Variants in ZBTB40 observed in about 807,000 individuals in gnomAD.
The protein encoded by ZBTB40 is zinc finger and BTB domain-containing protein 40.
ZBTB40 carries 60 observed loss-of-function variants against 117.5 expected under a neutral mutation model. The ratio of observed to expected loss-of-function variants is 0.51; its 90% CI spans 0.41 to 0.63. ZBTB40 has a LOEUF of 0.63. ZBTB40 is among the 30% of genes least tolerant of loss of function. The pLI is 0.00. For synonymous variants in ZBTB40, 525 were observed against 577.1 expected, an observed-to-expected ratio of 0.91 and a Z score of 1.29; for missense variants, 1,287 against 1,498.5, an observed-to-expected ratio of 0.86 and a Z score of 2.33.
At position 22,464,724 on chromosome 1, in the gene ZBTB40, G is replaced by A. The variant is rs577818076; in HGVS notation, c.-70+12720G>A. On this transcript the variant is annotated intron_variant, in intron 1 of 17. Transcript: ENST00000375647. The stretch of plus-strand genomic sequence containing the variant: ...TTCTGTATTTTCTATATTTTTAAAT[G>A]CAAATATGTATATGCATGCACACAT... Among the ~76,000 whole-genome samples, 27 of 152,232 alleles carry A rather than the reference G, an allele frequency of 1.8e-4. No homozygotes were observed. The South Asian group carries it at 5.4e-3, about 30-fold the overall frequency.
At chr1:22,524,125 C>T in intron 16 of ZBTB40, 93 bp from the exon 17 acceptor site, 2 of 1,238,352 alleles carry the variant, frequency 1.6e-6, no homozygotes, top group Non-Finnish European at 2.3e-6. Context: ...ATCCTCATTG[C>T]TCTTTCCTCT....
chr1:22,473,382 T>C (rs540501792), intron 1 of ZBTB40, among the ~76,000 whole-genome samples: 16 of 152,334 alleles, frequency 1.1e-4, no homozygotes, highest in African/African-American at 3.6e-4. Flanking sequence ...TATATGTCCT[T>C]GGGTCTGTTA....
At position 22,507,380 on chromosome 1, in the gene ZBTB40, T is replaced by C. The variant is rs374442832; in HGVS notation, c.1361-621T>C. On this transcript the variant is annotated intron_variant, in intron 6 of 17. Transcript: ENST00000375647. Reference sequence around the variant, plus strand: ...ATCGGCAAAGATTATGCTTTGATAGTTGTCTTTGTACATAGACAAAGACCT... The same window carrying C: ...ATCGGCAAAGATTATGCTTTGATAGCTGTCTTTGTACATAGACAAAGACCT... Among the ~76,000 whole-genome samples the C allele has an allele frequency of 8.5e-5, 13 of 152,352 alleles. No homozygotes were observed. The East Asian group carries it at 1.9e-3, about 23-fold the overall frequency.
chr1:22,456,173 G>A (rs1214663590), intron 1 of ZBTB40, among the ~76,000 whole-genome samples: 3 of 152,030 alleles, frequency 2.0e-5, no homozygotes, highest in Non-Finnish European at 2.9e-5. Context: ...AAATATTAAG[G>A]GCATTTAAAT....
At chr1:22,503,611 GCACACA>G (rs34221585) in intron 5 of ZBTB40, among the ~76,000 whole-genome samples, 1 of 150,054 alleles carries the variant, frequency 6.7e-6, no homozygotes, top group Non-Finnish European at 1.5e-5. Context: ...ATGTGCGCAC[GCACACA>G]CACACACACA....
In ZBTB40 at chr1:22,511,660, T is replaced by A; in HGVS notation, c.2003-16T>A. 6.2e-7 allele frequency: 1 copy of A among 1,610,526 alleles called. No individual in the cohort carries two copies. Among genetic ancestry groups the A allele is most frequent in the Non-Finnish European group, 8.5e-7 (1 of 1,178,990 alleles). ...ACAGAGAGTTCGCAGAGCCACGAGA[T>A]GTCTCTTTTATGCAGGTGTCCTTAC... On this transcript the variant is annotated splice_polypyrimidine_tract_variant and intron_variant, in intron 10 of 17. Coordinates refer to ENST00000375647, the MANE Select transcript of ZBTB40 (RefSeq NM_014870.4).
In ZBTB40 at chr1:22,526,598, C is replaced by G. The variant is rs1639685144; in HGVS notation, c.*202C>G. Reference sequence around the variant, plus strand: ...GCATCTGAGCCCTCAACACCAACAGCACCATCCTCTGTAGCAGACAGGCCT... The same window carrying G: ...GCATCTGAGCCCTCAACACCAACAGGACCATCCTCTGTAGCAGACAGGCCT... On this transcript the variant is annotated 3_prime_UTR_variant, in exon 18 of 18. Transcript: ENST00000375647. 4.7e-6 allele frequency: 3 copies of G among 640,384 alleles called. No homozygotes were observed. The highest frequency in any genetic ancestry group is 8.3e-6 in the Non-Finnish European group (3 of 363,594). 39.7% of individuals were successfully genotyped at this position (640,384 alleles called of 1,614,324 possible).
At chr1:22,522,916 G>A (rs1639575149) in intron 16 of ZBTB40, among the ~76,000 whole-genome samples, 1 of 137,276 alleles carries the variant, frequency 7.3e-6, no homozygotes, top group Non-Finnish European at 1.5e-5. Flanking sequence ...ACAGGTGCCT[G>A]CCACCATGCT....
rs979269254 is a variant in ZBTB40 at position 22,513,788 on chromosome 1, G to C, written c.2668+658G>C. ...ACTGGGAATAGCTCTGTGCACAGAC[G>C]TAAACTGCTTACTGGGAGAGCTTCT... is the stretch of plus-strand genomic sequence containing the variant. On this transcript the variant is annotated intron_variant, in intron 12 of 17. Transcript: ENST00000375647. The surrounding 1 kb of genome is among the most constrained non-coding windows in gnomAD (Gnocchi z 4.9). 6.6e-6 allele frequency among the ~76,000 whole-genome samples: 1 copy of C among 152,232 alleles called. No individual in the cohort carries two copies. Among genetic ancestry groups the C allele is most frequent in the Non-Finnish European group, 1.5e-5 (1 of 68,048 alleles).
At chr1:22,458,341 G>C (rs1296721547) in intron 1 of ZBTB40, among the ~76,000 whole-genome samples, 6 of 152,198 alleles carry the variant, frequency 3.9e-5, no homozygotes, top group Non-Finnish European at 8.8e-5. Context: ...GGCTGTGCCT[G>C]TCTCTCAAGC....
At chr1:22,440,335 C>T (rs1202518617) in intron 1 of ZBTB40, among the ~76,000 whole-genome samples, 1 of 152,118 alleles carries the variant, frequency 6.6e-6, no homozygotes, top group East Asian at 1.9e-4. Context: ...CCTAATTGCT[C>T]TGACTAAAAC....
intron 1 of ZBTB40, among the ~76,000 whole-genome samples, chr1:22,464,910 C>G (rs2124394680): frequency 6.6e-6 from 1 of 152,174 alleles, no homozygotes; most frequent in South Asian, 2.1e-4. Flanking sequence ...TAGAATTTAC[C>G]ATTTTAAAGT....
intron 13 of ZBTB40, among the ~76,000 whole-genome samples, chr1:22,517,907 C>T (rs1327692452): frequency 2.0e-5 from 3 of 152,210 alleles, no homozygotes; most frequent in Non-Finnish European, 2.9e-5. Context: ...AACCTCCCGC[C>T]CAGCATTCTC....
chr1:22,494,421 A>G (rs886679466), intron 3 of ZBTB40, among the ~76,000 whole-genome samples: 1 of 152,222 alleles, frequency 6.6e-6, no homozygotes, highest in Non-Finnish European at 1.5e-5. Context: ...AATGTATAGA[A>G]AAATCATCTG....
chr1:22,493,375 G>A (rs563528737), intron 3 of ZBTB40, among the ~76,000 whole-genome samples: 1 of 152,320 alleles, frequency 6.6e-6, no homozygotes, highest in South Asian at 2.1e-4. Context: ...GATACTTTAA[G>A]AATATAAGAT....
chr1:22,525,451 T>C (rs2124477477), intron 17 of ZBTB40, among the ~76,000 whole-genome samples: 1 of 152,338 alleles, frequency 6.6e-6, no homozygotes, highest in South Asian at 2.1e-4. Context: ...AAGGTGGCTG[T>C]GGCCTCTAGT....
chr1:22,448,710 A>G (rs1363282309), upstream of ZBTB40, among the ~76,000 whole-genome samples: 1 of 152,198 alleles, frequency 6.6e-6, no homozygotes, highest in African/African-American at 2.4e-5. Flanking sequence ...AAATGAGATA[A>G]TTTAATTAAA....
At chr1:22,480,130 T>C (rs1638249997) in intron 1 of ZBTB40, among the ~76,000 whole-genome samples, 1 of 152,208 alleles carries the variant, frequency 6.6e-6, no homozygotes. Flanking sequence ...GGTCTCGAAC[T>C]CCTGACCTCG....
At chr1:22,467,411 C>G (rs142996325) in intron 1 of ZBTB40, among the ~76,000 whole-genome samples, 248 of 152,306 alleles carry the variant, frequency 1.6e-3, no homozygotes, top group African/African-American at 5.6e-3. Flanking sequence ...CCAGATTATA[C>G]TTCCATCAGC....
Sources: allele counts gnomAD v4.1 joint callset (sites outside exome capture counted in the v4.1 genomes callset), GRCh38; gene constraint gnomAD v4.1.1; non-coding constraint Gnocchi (gnomAD v3.1); transcripts MANE v1.5; gene names NCBI Gene and HGNC (gene_info 2026-07-23, HGNC 2026-07-21).